The following CNTNAP5 variants were observed in gnomAD, a reference collection of about 807,000 sequenced individuals.
The protein encoded by CNTNAP5 is contactin associated protein family member 5, also known as contactin-associated protein-like 5.
Under a neutral mutation model 150.2 loss-of-function variants are expected in CNTNAP5, and 72 were observed. That is an observed-to-expected ratio of 0.48 (90% CI 0.40 to 0.58). CNTNAP5 has a LOEUF of 0.58. Among genes scored for constraint, CNTNAP5 ranks in the 20% least tolerant of loss-of-function variants. The probability of loss-of-function intolerance (pLI) is 0.00; values close to 1 mark genes in which losing one functional copy is unlikely to be tolerated. For missense variants in CNTNAP5, 1,636 were observed against 1,626.2 expected, an observed-to-expected ratio of 1.01 and a Z score of -0.10; for synonymous variants, 672 against 619.8, an observed-to-expected ratio of 1.08 and a Z score of -1.25.
At chr2:124,829,709 A>G (rs1474674789) in intron 19 of CNTNAP5, among the ~76,000 whole-genome samples, 3 of 151,918 alleles carry the variant, frequency 2.0e-5, no homozygotes, top group Non-Finnish European at 4.4e-5. Flanking sequence ...ATTATTATTT[A>G]TGAAAAAATT....
At chr2:124,534,365 A>G (rs1472762720) in intron 10 of CNTNAP5, among the ~76,000 whole-genome samples, 1 of 152,206 alleles carries the variant, frequency 6.6e-6, no homozygotes, top group Non-Finnish European at 1.5e-5. Context: ...GAGCAGTGAC[A>G]TGGGCTGCTT....
intron 16 of CNTNAP5, among the ~76,000 whole-genome samples, chr2:124,767,125 A>G (rs923085133): frequency 6.6e-6 from 1 of 152,160 alleles, no homozygotes; most frequent in African/African-American, 2.4e-5. Context: ...ACCTCTATAG[A>G]CCAGGCACTT....
intron 1 of CNTNAP5, among the ~76,000 whole-genome samples, chr2:124,084,924 G>GTTTTGTTTTTTTTTTT (rs1553435818): frequency 1.2e-3 from 104 of 89,970 alleles, no homozygotes; most frequent in Non-Finnish European, 1.6e-3. Context: ...CAAGTTTCCT[G>GTTTTGTTTTTTTTTTT]TTTTTTTTTT....
intron 11 of CNTNAP5, among the ~76,000 whole-genome samples, chr2:124,598,145 A>G (rs1223998940): frequency 2.2e-5 from 3 of 134,266 alleles, no homozygotes; most frequent in Non-Finnish European, 4.7e-5. Flanking sequence ...CTCTCAGCTC[A>G]TCAAAATCAT....
At chr2:124,241,957 A>G (rs1179210660) in intron 2 of CNTNAP5, among the ~76,000 whole-genome samples, 1 of 152,142 alleles carries the variant, frequency 6.6e-6, no homozygotes, top group Non-Finnish European at 1.5e-5. Flanking sequence ...GACTAAGGAA[A>G]TAGGGATGGA....
chr2:124,381,785 C>A (rs2104738633), intron 3 of CNTNAP5, among the ~76,000 whole-genome samples: 1 of 152,170 alleles, frequency 6.6e-6, no homozygotes, highest in Middle Eastern at 3.4e-3. Context: ...GTGGTAGTTA[C>A]AGCCATGGTT....
intron 3 of CNTNAP5, among the ~76,000 whole-genome samples, chr2:124,340,595 A>T (rs1220893386): frequency 6.6e-6 from 1 of 151,980 alleles, no homozygotes. Context: ...CTATTATTCA[A>T]ACAAAGTCCC....
At chr2:124,147,556 G>T (rs982335556) in intron 1 of CNTNAP5, among the ~76,000 whole-genome samples, 2 of 152,250 alleles carry the variant, frequency 1.3e-5, no homozygotes, top group Non-Finnish European at 2.9e-5. Flanking sequence ...CACAGAGGTT[G>T]AGTGAAGTGA....
intron 1 of CNTNAP5, among the ~76,000 whole-genome samples, chr2:124,078,493 T>C (rs1174359389): frequency 6.6e-6 from 1 of 152,182 alleles, no homozygotes; most frequent in Non-Finnish European, 1.5e-5. Context: ...CATATACTAG[T>C]GGTATGATAT....
intron 3 of CNTNAP5, among the ~76,000 whole-genome samples, chr2:124,329,597 T>G (rs1689299218): frequency 6.6e-6 from 1 of 152,094 alleles, no homozygotes; most frequent in Non-Finnish European, 1.5e-5. Context: ...TTCTAAAAGT[T>G]TCATACATCA....
At chr2:124,871,277 C>CTTATTTATTTATTTATTTAT (rs1401599879) in intron 21 of CNTNAP5, among the ~76,000 whole-genome samples, 212 of 135,508 alleles carry the variant, frequency 1.6e-3, no homozygotes, top group African/African-American at 7.2e-3. Context: ...TACATATTTA[C>CTTATTTATTTATTTATTTAT]TTACTTATTT....
intron 3 of CNTNAP5, among the ~76,000 whole-genome samples, chr2:124,324,020 G>GA (rs757805535): frequency 1.1e-4 from 17 of 151,848 alleles, no homozygotes; most frequent in Non-Finnish European, 2.4e-4. Context: ...AGAGCATTAC[G>GA]AAAAAAAGAG....
intron 3 of CNTNAP5, among the ~76,000 whole-genome samples, chr2:124,374,601 G>A (rs1010513648): frequency 6.6e-6 from 1 of 152,170 alleles, no homozygotes; most frequent in African/African-American, 2.4e-5. Flanking sequence ...AAAGGTTTAA[G>A]ATGACTTAAT....
chr2:124,160,465 T>C (rs1684649390), intron 1 of CNTNAP5, among the ~76,000 whole-genome samples: 1 of 151,710 alleles, frequency 6.6e-6, no homozygotes, highest in African/African-American at 2.4e-5. Flanking sequence ...AACAATAAGC[T>C]CTTTAGTGGT....
At chr2:124,356,054 C>T (rs534526169) in intron 3 of CNTNAP5, among the ~76,000 whole-genome samples, 85 of 152,234 alleles carry the variant, frequency 5.6e-4, no homozygotes, top group Non-Finnish European at 9.3e-4. Context: ...TAGTTAAAAA[C>T]ATTTTCCTCT....
intron 13 of CNTNAP5, among the ~76,000 whole-genome samples, chr2:124,739,473 T>C (rs1246609082): frequency 6.6e-6 from 1 of 152,188 alleles, no homozygotes; most frequent in African/African-American, 2.4e-5. Flanking sequence ...ATTTTGATGG[T>C]GTGTGTTTTG....
At chr2:124,473,120 A>G (rs1239029628) in intron 6 of CNTNAP5, among the ~76,000 whole-genome samples, 2 of 152,088 alleles carry the variant, frequency 1.3e-5, no homozygotes, top group Admixed American at 6.6e-5. Context: ...CAATTCATAT[A>G]CAATGGAATT....
intron 12 of CNTNAP5, among the ~76,000 whole-genome samples, chr2:124,614,360 G>T (rs908007905): frequency 4.1e-4 from 63 of 152,290 alleles, no homozygotes; most frequent in African/African-American, 1.4e-3. Context: ...TTTGGGGAGA[G>T]TCTATACAGT....
chr2:124,526,637 T>C (rs572703428), intron 9 of CNTNAP5, among the ~76,000 whole-genome samples: 34 of 152,306 alleles, frequency 2.2e-4, no homozygotes, highest in African/African-American at 8.2e-4. Context: ...AAGAACACTC[T>C]TTAAAAAGGT....
Sources: allele counts gnomAD v4.1 joint callset (sites outside exome capture counted in the v4.1 genomes callset), GRCh38; gene constraint gnomAD v4.1.1; transcripts MANE v1.5; gene names NCBI Gene and HGNC (gene_info 2026-07-23, HGNC 2026-07-21).